CD300LF: variants seen among roughly 807,000 people sequenced by gnomAD.
CD300LF encodes the protein CD300 molecule like family member f.
Under a neutral mutation model 32.2 loss-of-function variants are expected in CD300LF, and 27 were observed. The ratio of observed to expected loss-of-function variants is 0.84; its 90% CI spans 0.62 to 1.15. The LOEUF is 1.15. CD300LF is among the 50% of genes most tolerant of loss of function. CD300LF has a pLI of 0.00. For synonymous variants in CD300LF, 139 were observed against 143.2 expected (o/e 0.97, Z 0.21); for missense variants, 348 against 356.8 (o/e 0.98, Z 0.20).
At position 74,695,841 on chromosome 17, in the gene CD300LF, C is replaced by T. The variant is rs1349243047; in HGVS notation, c.601G>A (p.Gly201Ser). 1 of 1,613,808 alleles carries T rather than the reference C, an allele frequency of 6.2e-7. No individual in the cohort carries two copies. Among genetic ancestry groups the T allele is most frequent in the African/African-American group, 1.3e-5 (1 of 74,948 alleles). ...GTCAGGTCTGCATAGCAGAGGTCGCCCTCCAGGGGCTGCAGTACCTGGGAC... is the reference window on the plus strand; with the variant it reads ...GTCAGGTCTGCATAGCAGAGGTCGCTCTCCAGGGGCTGCAGTACCTGGGAC... ...SPEQVLQPLE[G>S]DLCYADLTLQ... The change falls in exon 6 of 7, where the codon GGC becomes AGC. Residue 201 changes from glycine to serine, a missense_variant. Coordinates refer to ENST00000326165, the MANE Select transcript of CD300LF (RefSeq NM_139018.5).
chr17:74,712,390 T>G (rs1170273714), intron 1 of CD300LF, among the ~76,000 whole-genome samples: 1 of 152,108 alleles, frequency 6.6e-6, no homozygotes, highest in African/African-American at 2.4e-5. Context: ...ACTCCCTCTC[T>G]GCCCAGCAAA....
At position 74,694,947 on chromosome 17, in the gene CD300LF, G is replaced by C. The variant is rs1437861358; in HGVS notation, c.*149C>G. ...GAAGCCCCCTGAGACTTGGCCCCAAGCCCAACCCAGAGCTAGGGGCAATGC... is the reference window on the plus strand; with the variant it reads ...GAAGCCCCCTGAGACTTGGCCCCAACCCCAACCCAGAGCTAGGGGCAATGC... On this transcript the variant is annotated 3_prime_UTR_variant, in exon 7 of 7. Transcript: ENST00000326165. 1 of 863,598 alleles carries C rather than the reference G, an allele frequency of 1.2e-6. No individual in the cohort carries two copies. The highest frequency in any genetic ancestry group is 2.7e-5 in the Admixed American group (1 of 36,414). 53.5% of individuals were successfully genotyped at this position (863,598 alleles called of 1,614,324 possible). A position where few individuals can be genotyped will look rare whatever the true frequency, so the allele number is the denominator to read the frequency against.
At chr17:74,706,343 C>CT (rs765052724) in intron 1 of CD300LF, among the ~76,000 whole-genome samples, 2,692 of 134,976 alleles carry the variant, frequency 0.02, 42 homozygotes, top group South Asian at 0.038. Flanking sequence ...TGTGCCTGGC[C>CT]TTTTTTTTTT....
intron 1 of CD300LF, among the ~76,000 whole-genome samples, chr17:74,708,580 T>C (rs995799664): frequency 3.9e-5 from 6 of 152,152 alleles, no homozygotes; most frequent in Admixed American, 6.5e-5. Context: ...TATCACCAAG[T>C]TGGGTTTATG....
intron 6 of CD300LF, 40 bp from the exon 7 acceptor site, chr17:74,695,291 G>A: frequency 1.2e-6 from 2 of 1,610,212 alleles, no homozygotes; most frequent in Non-Finnish European, 8.5e-7. Flanking sequence ...AGGACGGCAG[G>A]AAGTGACGGT....
chr17:74,696,328 C>A, intron 4 of CD300LF, 111 bp from the exon 5 acceptor site: 1 of 1,166,324 alleles, frequency 8.6e-7, no homozygotes, highest in Non-Finnish European at 1.2e-6. Context: ...TGGGTCCAGG[C>A]TCAGAGACAG....
At chr17:74,703,175 C>T in intron 2 of CD300LF, 77 bp from the exon 3 acceptor site, 1 of 1,580,584 alleles carries the variant, frequency 6.3e-7, no homozygotes, top group Non-Finnish European at 8.7e-7. Flanking sequence ...TAAACCAGAT[C>T]ACAGATGCCC....
At chr17:74,698,797 A>G (rs1227947550) in intron 3 of CD300LF, among the ~76,000 whole-genome samples, 1 of 152,202 alleles carries the variant, frequency 6.6e-6, no homozygotes, top group Non-Finnish European at 1.5e-5. Flanking sequence ...AATAATCTGT[A>G]CACAAAACCC....
intron 2 of CD300LF, 89 bp downstream of exon 2, chr17:74,704,389 C>G: frequency 2.1e-6 from 2 of 950,268 alleles, no homozygotes; most frequent in Non-Finnish European, 3.2e-6. Context: ...ATAGATCACT[C>G]AGTGACAATT....
At chr17:74,703,170 C>G (rs756167345) in intron 2 of CD300LF, 72 bp from the exon 3 acceptor site, 6 of 1,583,726 alleles carry the variant, frequency 3.8e-6, no homozygotes, top group Non-Finnish European at 5.2e-6. Flanking sequence ...GTGTATAAAC[C>G]AGATCACAGA....
At chr17:74,704,295 G>A (rs755281690) in intron 2 of CD300LF, 183 bp downstream of exon 2, 4 of 595,178 alleles carry the variant, frequency 6.7e-6, no homozygotes, top group Non-Finnish European at 1.2e-5. Flanking sequence ...GGAGCCCTGG[G>A]AGCCATGGGG....
intron 3 of CD300LF, among the ~76,000 whole-genome samples, chr17:74,701,958 G>A (rs550506477): frequency 2.0e-4 from 30 of 151,898 alleles, no homozygotes; most frequent in Admixed American, 3.3e-4. Flanking sequence ...AGAGGCAGAG[G>A]TTGCAGTGAG....
At position 74,712,809 on chromosome 17, in the gene CD300LF, C is replaced by G. The variant is rs2034067905; in HGVS notation, c.43+15G>C. 3 of 1,613,870 alleles carry G rather than the reference C, an allele frequency of 1.9e-6. No homozygotes were observed. Among genetic ancestry groups the G allele is most frequent in the African/African-American group, 1.3e-5 (1 of 74,888 alleles). ...TGCTAAGCTTCCCCAAGAAGACAGA[C>G]CCAGGCCCGCTCACCTGAGAGCCAG... is the stretch of plus-strand genomic sequence containing the variant. On this transcript the variant is annotated intron_variant, in intron 1 of 6. Coordinates refer to ENST00000326165, the MANE Select transcript of CD300LF (RefSeq NM_139018.5).
At chr17:74,712,746 G>A (rs1045059086) in intron 1 of CD300LF, 78 bp downstream of exon 1, 92 of 1,470,648 alleles carry the variant, frequency 6.3e-5, no homozygotes, top group African/African-American at 3.7e-4. Flanking sequence ...CCTTCTGGCC[G>A]GGTCCCTTCT....
intron 1 of CD300LF, among the ~76,000 whole-genome samples, chr17:74,712,309 A>G (rs987782261): frequency 1.1e-4 from 16 of 152,106 alleles, no homozygotes; most frequent in African/African-American, 4.8e-5. Flanking sequence ...TGCCAGTCTT[A>G]TCTCCTCTTG....
chr17:74,696,505 C>T (rs1009098310), intron 4 of CD300LF, among the ~76,000 whole-genome samples: 1 of 152,206 alleles, frequency 6.6e-6, no homozygotes, highest in Non-Finnish European at 1.5e-5. Context: ...TGCCAGCCAT[C>T]GGCTCCCCTG....
chr17:74,706,184 G>A (rs934814545), intron 1 of CD300LF, among the ~76,000 whole-genome samples: 2 of 151,726 alleles, frequency 1.3e-5, no homozygotes, highest in Non-Finnish European at 2.9e-5. Context: ...AGGTTTGATT[G>A]AGGCTCAAAC....
Position 74,698,466 on chromosome 17 carries a change from C to G in CD300LF, c.462G>C (p.Lys154Asn). The part of the protein sequence containing the change: ...HHLDNRHKLL[K>N]LSVLLPLIFT... ...AGATGAGGGGCAGGAGGACACTGAGCTTCAGGAGCTTGTGCCTAGAAACAA... is the reference window on the plus strand; with the variant it reads ...AGATGAGGGGCAGGAGGACACTGAGGTTCAGGAGCTTGTGCCTAGAAACAA... The change falls in exon 4 of 7, where the codon AAG becomes AAC. Residue 154 changes from lysine (K) to asparagine (N), a missense_variant. Lys to Asn is a moderately conservative substitution (Grantham distance 94, BLOSUM62 0). Coordinates refer to ENST00000326165, the MANE Select transcript of CD300LF (RefSeq NM_139018.5). 6.2e-7 allele frequency: 1 copy of G among 1,613,846 alleles called. No individual in the cohort carries two copies. Among genetic ancestry groups the G allele is most frequent in the Non-Finnish European group, 8.5e-7 (1 of 1,179,916 alleles).
intron 3 of CD300LF, among the ~76,000 whole-genome samples, chr17:74,700,724 C>T (rs947522436): frequency 2.6e-5 from 4 of 152,118 alleles, no homozygotes; most frequent in Non-Finnish European, 5.9e-5. Context: ...TGCACTCCAG[C>T]ATGGGTGACA....
Sources: allele counts gnomAD v4.1 joint callset (sites outside exome capture counted in the v4.1 genomes callset), GRCh38; gene constraint gnomAD v4.1.1; transcripts MANE v1.5; gene names NCBI Gene and HGNC (gene_info 2026-07-23, HGNC 2026-07-21).